The following SLC24A4 variants were observed in gnomAD, a reference collection of about 807,000 sequenced individuals.
SLC24A4 encodes sodium/potassium/calcium exchanger 4.
A neutral mutation model predicts 79.0 loss-of-function variants in SLC24A4; 53 were observed. That is an observed-to-expected ratio of 0.67 (90% CI 0.54 to 0.84). SLC24A4 has a LOEUF of 0.84. SLC24A4 is among the 40% of genes least tolerant of loss of function. The pLI, the probability that SLC24A4 is intolerant of heterozygous loss-of-function variation, is 0.00. For missense variants in SLC24A4, 731 were observed against 822.0 expected (o/e 0.89, Z 1.35); for synonymous variants, 323 against 323.8 (o/e 1.00, Z 0.03).
chr14:92,491,903 T>C, intron 15 of SLC24A4, 126 bp downstream of exon 15: 3 of 766,520 alleles, frequency 3.9e-6, no homozygotes, highest in Non-Finnish European at 6.6e-6. Flanking sequence ...CCATTTTCCA[T>C]GGCGGCTTCT....
At chr14:92,412,319 G>A (rs1283553262) in intron 2 of SLC24A4, among the ~76,000 whole-genome samples, 1 of 152,212 alleles carries the variant, frequency 6.6e-6, no homozygotes, top group Non-Finnish European at 1.5e-5. Flanking sequence ...TGTCTTGGTT[G>A]TTTGTGTGGG....
chr14:92,490,091 C>CCTA lies in SLC24A4; in HGVS notation c.1538-1574_1538-1573insCTA, dbSNP rs570871950. Among the ~76,000 whole-genome samples, 147 of 152,292 alleles carry CCTA rather than the reference C, an allele frequency of 9.7e-4. 2 individuals carry two copies. The East Asian group carries it at 0.015, about 15-fold the overall frequency. ...AGCAGGGGAGGAGGAGGTGACCTAG[C>CCTA]TATGCAACATGGGCGGGCTGGCAGT... On this transcript the variant is annotated intron_variant, in intron 14 of 16. Transcript: ENST00000532405. The surrounding 1 kb of genome is among the most constrained non-coding windows in gnomAD (Gnocchi z 4.3).
chr14:92,481,249 G>A (rs1895056395), intron 12 of SLC24A4, among the ~76,000 whole-genome samples: 1 of 152,220 alleles, frequency 6.6e-6, no homozygotes, highest in Non-Finnish European at 1.5e-5. Flanking sequence ...GATTCCCAGA[G>A]ATATCTAGGA....
At position 92,456,387 on chromosome 14, in the gene SLC24A4, G is replaced by A. The variant is rs753017002; in HGVS notation, c.1051-17G>A. 13 of 1,613,808 alleles carry A rather than the reference G, an allele frequency of 8.1e-6. No homozygotes were observed. The South Asian group carries it at 1.4e-4, about 18-fold the overall frequency. On this transcript the variant is annotated splice_polypyrimidine_tract_variant and intron_variant, in intron 11 of 16. Transcript: ENST00000532405. ...TATCACATGCCTTGGTGTCCATGTT[G>A]CCTCCTGTCCACACAGCGGCAGAGA...
chr14:92,413,247 C>A (rs542546853), intron 2 of SLC24A4, among the ~76,000 whole-genome samples: 39 of 152,274 alleles, frequency 2.6e-4, no homozygotes, highest in African/African-American at 8.9e-4. Context: ...TCTGATCCTT[C>A]CAATCCCATG....
intron 2 of SLC24A4, among the ~76,000 whole-genome samples, chr14:92,400,211 C>T (rs113143485): frequency 1.1e-3 from 175 of 152,200 alleles, no homozygotes; most frequent in South Asian, 2.7e-3. Flanking sequence ...GAGGCCAAGG[C>T]GGGCAGATCA....
At chr14:92,474,371 C>A (rs61977316) in intron 12 of SLC24A4, among the ~76,000 whole-genome samples, 1 of 152,102 alleles carries the variant, frequency 6.6e-6, no homozygotes, top group Non-Finnish European at 1.5e-5. Flanking sequence ...ATCCAGCAGG[C>A]CCCTGCCTGC....
intron 2 of SLC24A4, among the ~76,000 whole-genome samples, chr14:92,366,715 A>G (rs1178769866): frequency 6.6e-6 from 1 of 152,256 alleles, no homozygotes; most frequent in Non-Finnish European, 1.5e-5. Flanking sequence ...CCACACCGAT[A>G]TGGCCTAACC....
chr14:92,372,268 C>T (rs1263152656), intron 2 of SLC24A4, among the ~76,000 whole-genome samples: 3 of 152,124 alleles, frequency 2.0e-5, no homozygotes, highest in Non-Finnish European at 4.4e-5. Flanking sequence ...ACTTGAGTCT[C>T]ACCAGACAGA....
Position 92,444,172 on chromosome 14 carries a change from A to G in SLC24A4, c.657+698A>G, listed in dbSNP as rs375371177. On this transcript the variant is annotated intron_variant, in intron 7 of 16. Coordinates refer to ENST00000532405, the MANE Select transcript of SLC24A4 (RefSeq NM_153646.4). ...GATGATTCTACAGATAAAACAATCT[A>G]CGGATACATGATTTCAAAAAGGTCA... Among the ~76,000 whole-genome samples the G allele has an allele frequency of 3.3e-5, 5 of 152,178 alleles. No homozygotes were observed. In the East Asian group the frequency reaches 7.7e-4, roughly 23 times the overall value.
intron 2 of SLC24A4, among the ~76,000 whole-genome samples, chr14:92,416,586 A>G (rs1484591206): frequency 6.6e-6 from 1 of 152,210 alleles, no homozygotes; most frequent in African/African-American, 2.4e-5. Context: ...TAAGGAAGGA[A>G]AAGGCCACAG....
At chr14:92,381,837 G>A (rs971878619) in intron 2 of SLC24A4, among the ~76,000 whole-genome samples, 13 of 152,078 alleles carry the variant, frequency 8.5e-5, no homozygotes, top group African/African-American at 3.1e-4. Flanking sequence ...ACCCACACTT[G>A]GGGTGTGGCC....
At chr14:92,449,515 G>A (rs1429495785) in intron 10 of SLC24A4, among the ~76,000 whole-genome samples, 5 of 152,202 alleles carry the variant, frequency 3.3e-5, no homozygotes, top group East Asian at 1.9e-4. Flanking sequence ...TGGGAAAGGC[G>A]TAAGGCCTGC....
At position 92,353,876 on chromosome 14, in the gene SLC24A4, G is replaced by C. The variant is rs1010046513; in HGVS notation, c.241+27898G>C. ...GCATAACTTCAGCTCCCCTGTCCCA[G>C]CTGCCTGTGCCGCCATCCCAAGTGA... On this transcript the variant is annotated intron_variant, in intron 2 of 16. Coordinates refer to ENST00000532405, the MANE Select transcript of SLC24A4 (RefSeq NM_153646.4). The surrounding 1 kb of genome is among the most constrained non-coding windows in gnomAD (Gnocchi z 4.1). Among the ~76,000 whole-genome samples the C allele has an allele frequency of 2.0e-5, 3 of 152,244 alleles. No homozygotes were observed. Among genetic ancestry groups the C allele is most frequent in the Non-Finnish European group, 4.4e-5 (3 of 68,038 alleles).
At chr14:92,469,716 T>G (rs1297318344) in intron 12 of SLC24A4, among the ~76,000 whole-genome samples, 1 of 152,190 alleles carries the variant, frequency 6.6e-6, no homozygotes, top group African/African-American at 2.4e-5. Flanking sequence ...ATCCATATAA[T>G]AGAATATTAG....
intron 2 of SLC24A4, among the ~76,000 whole-genome samples, chr14:92,416,344 C>T (rs531478608): frequency 4.6e-5 from 7 of 152,008 alleles, no homozygotes; most frequent in East Asian, 1.9e-4. Context: ...CAAGGGGACT[C>T]GGTGCAAAGG....
At chr14:92,423,292 G>A (rs372955528) in intron 2 of SLC24A4, among the ~76,000 whole-genome samples, 2 of 151,920 alleles carry the variant, frequency 1.3e-5, no homozygotes, top group East Asian at 1.9e-4. Flanking sequence ...TTACAGGCAC[G>A]CGCGACCATG....
chr14:92,478,953 G>A (rs1894915451), intron 12 of SLC24A4, among the ~76,000 whole-genome samples: 1 of 151,992 alleles, frequency 6.6e-6, no homozygotes, highest in Admixed American at 6.6e-5. Context: ...TAAATTTTTT[G>A]ATGGCATTGT....
At chr14:92,487,881 G>A (rs1485351675) in intron 14 of SLC24A4, among the ~76,000 whole-genome samples, 2 of 151,856 alleles carry the variant, frequency 1.3e-5, no homozygotes, top group African/African-American at 4.8e-5. Flanking sequence ...GCAATCCTTG[G>A]GTCTCCCTGG....
Sources: gnomAD v4.1 joint callset for allele counts (sites outside exome capture counted in the v4.1 genomes callset) on GRCh38, gnomAD v4.1.1 for gene constraint, Gnocchi (gnomAD v3.1) non-coding constraint, MANE v1.5 for transcripts, NCBI Gene and HGNC (gene_info 2026-07-23, HGNC 2026-07-21) for gene names.